INPP5F: variants seen among roughly 807,000 people sequenced by gnomAD.
INPP5F encodes the protein inositol polyphosphate-5-phosphatase F.
Under a neutral mutation model 137.2 loss-of-function variants are expected in INPP5F, and 97 were observed. The ratio of observed to expected loss-of-function variants is 0.71; its 90% CI spans 0.60 to 0.84. The LOEUF (loss-of-function observed/expected upper bound fraction) is 0.84. INPP5F is among the 40% of genes least tolerant of loss of function. The probability of loss-of-function intolerance (pLI) is 0.00; values close to 1 mark genes in which losing one functional copy is unlikely to be tolerated. For synonymous variants in INPP5F, 504 were observed against 476.9 expected, an observed-to-expected ratio of 1.06 and a Z score of -0.74; for missense variants, 1,271 against 1,371.9, an observed-to-expected ratio of 0.93 and a Z score of 1.16.
intron 2 of INPP5F, among the ~76,000 whole-genome samples, chr10:119,772,022 C>T (rs34759405): frequency 0.042 from 6,201 of 148,592 alleles, 238 homozygotes; most frequent in South Asian, 0.22. Flanking sequence ...CTCAGCCTCC[C>T]GAGTAGCTGG....
intron 1 of INPP5F, among the ~76,000 whole-genome samples, chr10:119,743,164 C>G (rs1848427440): frequency 6.6e-6 from 1 of 152,186 alleles, no homozygotes; most frequent in Non-Finnish European, 1.5e-5. Context: ...AGTAGTAAAT[C>G]CTTCCAACTT....
intron 1 of INPP5F, among the ~76,000 whole-genome samples, chr10:119,750,096 C>G (rs1415420000): frequency 6.6e-6 from 1 of 152,110 alleles, no homozygotes; most frequent in Admixed American, 6.6e-5. Flanking sequence ...TTTTGCCTTC[C>G]ATTGAATGTA....
At chr10:119,773,890 G>T (rs959638025) in intron 2 of INPP5F, among the ~76,000 whole-genome samples, 2 of 152,172 alleles carry the variant, frequency 1.3e-5, no homozygotes, top group African/African-American at 4.8e-5. Context: ...TGCCTAGGAA[G>T]ACAAGTAGTC....
At chr10:119,745,554 C>T (rs923502301) in intron 1 of INPP5F, among the ~76,000 whole-genome samples, 3 of 148,932 alleles carry the variant, frequency 2.0e-5, no homozygotes, top group Non-Finnish European at 4.4e-5. Flanking sequence ...TACAATGGAC[C>T]TTCTGAACGA....
intron 3 of INPP5F, among the ~76,000 whole-genome samples, chr10:119,790,769 G>C (rs956276530): frequency 6.6e-6 from 1 of 152,154 alleles, no homozygotes; most frequent in South Asian, 2.1e-4. Flanking sequence ...TATTTGCTTT[G>C]TTTGCTGAGC....
intron 2 of INPP5F, among the ~76,000 whole-genome samples, chr10:119,757,658 G>C (rs1848888221): frequency 6.6e-6 from 1 of 151,794 alleles, no homozygotes; most frequent in Non-Finnish European, 1.5e-5. Flanking sequence ...GGACACTGTG[G>C]CATGCGCCTG....
At chr10:119,737,719 C>A (rs1346643769) in intron 1 of INPP5F, among the ~76,000 whole-genome samples, 1 of 152,216 alleles carries the variant, frequency 6.6e-6, no homozygotes, top group East Asian at 1.9e-4. Context: ...ATTCCTTACC[C>A]AATTCTGAGA....
chr10:119,813,969 C>G (rs1330658475), intron 15 of INPP5F, among the ~76,000 whole-genome samples: 1 of 150,934 alleles, frequency 6.6e-6, no homozygotes, highest in African/African-American at 2.4e-5. Flanking sequence ...TTTTTTTTTC[C>G]TGATTTTTGA....
At chr10:119,800,393 A>G (rs558670838) in intron 9 of INPP5F, among the ~76,000 whole-genome samples, 2,840 of 123,904 alleles carry the variant, frequency 0.023, 45 homozygotes, top group Middle Eastern at 0.035. Context: ...GTCTCTACTG[A>G]AAAAAAAAAA....
At position 119,823,168 on chromosome 10, in the gene INPP5F, T is replaced by C; in HGVS notation, c.2130T>C (p.Ala710=). The C allele has an allele frequency of 6.2e-7, 1 of 1,613,662 alleles. No individual in the cohort carries two copies. The highest frequency in any genetic ancestry group is 2.2e-5 in the East Asian group (1 of 44,862). The change falls in exon 18 of 20, where the codon GCT becomes GCC. Residue 710 remains alanine, a synonymous_variant. Transcript: ENST00000650623. The stretch of plus-strand genomic sequence containing the variant: ...GTGGCTATTTCCACACATTGCGAGC[T>C]GTAATGCGTAATCCTGAAGAGGATG... ...EASGYFHTLR[A]VMRNPEEDGK...
chr10:119,773,348 C>T (rs1849425199), intron 2 of INPP5F, among the ~76,000 whole-genome samples: 1 of 152,184 alleles, frequency 6.6e-6, no homozygotes, highest in African/African-American at 2.4e-5. Context: ...TAAGCCACCT[C>T]TCCCAGCCTG....
chr10:119,789,182 G>A (rs143579625), intron 3 of INPP5F, among the ~76,000 whole-genome samples: 50 of 149,596 alleles, frequency 3.3e-4, no homozygotes, highest in East Asian at 1.8e-3. Flanking sequence ...CCGAAACTGC[G>A]CCATTACACT....
intron 1 of INPP5F, among the ~76,000 whole-genome samples, chr10:119,727,235 A>T (rs1215816632): frequency 2.0e-5 from 3 of 152,184 alleles, no homozygotes; most frequent in African/African-American, 7.2e-5. Flanking sequence ...AAGCGAGAGG[A>T]TAGAGTTCTT....
intron 2 of INPP5F, among the ~76,000 whole-genome samples, chr10:119,756,817 G>A (rs1036900657): frequency 1.4e-4 from 19 of 135,378 alleles, no homozygotes; most frequent in South Asian, 4.8e-4. Flanking sequence ...ATTTCTGTGC[G>A]TGTTATCCTT....
rs189026034 is a variant in INPP5F at position 119,785,782 on chromosome 10, C to T, written c.315+4011C>T. On this transcript the variant is annotated intron_variant, in intron 3 of 19. Transcript: ENST00000650623. ...GCTGAGGCAGGAGGATTACTTGAGT[C>T]CTGGAGTTTGAGGCTGCAGTGAGCT... Among the ~76,000 whole-genome samples the T allele has an allele frequency of 1.3e-3, 196 of 152,128 alleles. 1 individual carries two copies. Among genetic ancestry groups the T allele is most frequent in the African/African-American group, 4.4e-3 (184 of 41,506 alleles).
At chr10:119,773,751 G>A (rs1395791637) in intron 2 of INPP5F, among the ~76,000 whole-genome samples, 1 of 152,098 alleles carries the variant, frequency 6.6e-6, no homozygotes, top group Non-Finnish European at 1.5e-5. Context: ...CCATGCTGGA[G>A]TACAGTGATG....
At chr10:119,812,427 A>G (rs534956134) in intron 15 of INPP5F, among the ~76,000 whole-genome samples, 1 of 150,196 alleles carries the variant, frequency 6.7e-6, no homozygotes, top group South Asian at 2.1e-4. Context: ...TCTTCAAAAT[A>G]TCAATGAATA....
intron 15 of INPP5F, among the ~76,000 whole-genome samples, chr10:119,818,165 C>T (rs1160768988): frequency 6.6e-6 from 1 of 152,240 alleles, no homozygotes; most frequent in Non-Finnish European, 1.5e-5. Flanking sequence ...TCCATCGTGG[C>T]CAGGGCCGAC....
intron 1 of INPP5F, among the ~76,000 whole-genome samples, chr10:119,747,103 T>C (rs1484539145): frequency 6.6e-6 from 1 of 152,172 alleles, no homozygotes; most frequent in Admixed American, 6.5e-5. Context: ...GCAGCCAATT[T>C]TATAATTAAG....
Sources: gnomAD v4.1 joint callset for allele counts (sites outside exome capture counted in the v4.1 genomes callset) on GRCh38, gnomAD v4.1.1 for gene constraint, MANE v1.5 for transcripts, NCBI Gene and HGNC (gene_info 2026-07-23, HGNC 2026-07-21) for gene names.